STK32B: variants seen among roughly 807,000 people sequenced by gnomAD.
STK32B encodes the protein serine/threonine-protein kinase 32B.
A neutral mutation model predicts 52.6 loss-of-function variants in STK32B; 43 were observed. The observed-to-expected ratio is 0.82, with a 90% confidence interval of 0.64 to 1.05. The LOEUF (loss-of-function observed/expected upper bound fraction) is 1.05. Among genes scored for constraint, STK32B ranks in the 50% least tolerant of loss-of-function variants. The pLI is 0.00. For synonymous variants in STK32B, 238 were observed against 204.3 expected (o/e 1.17, Z -1.41); for missense variants, 621 against 534.6 (o/e 1.16, Z -1.59).
At chr4:5,134,562 T>C (rs1285905278) in intron 1 of STK32B, among the ~76,000 whole-genome samples, 2 of 152,236 alleles carry the variant, frequency 1.3e-5, no homozygotes, top group African/African-American at 2.4e-5. Flanking sequence ...CATTCTGTGA[T>C]AGCAACACAA....
intron 6 of STK32B, among the ~76,000 whole-genome samples, chr4:5,427,278 C>A (rs1440611633): frequency 6.6e-6 from 1 of 152,244 alleles, no homozygotes; most frequent in East Asian, 1.9e-4. Flanking sequence ...TACATATAAT[C>A]CTTGAATCAA....
At position 5,469,954 on chromosome 4, in the gene STK32B, G is replaced by T. The variant is rs1294649202; in HGVS notation, c.1106+1884G>T. 1.3e-5 allele frequency among the ~76,000 whole-genome samples: 2 copies of T among 152,182 alleles called. No individual in the cohort carries two copies. Among genetic ancestry groups the T allele is most frequent in the Non-Finnish European group, 2.9e-5 (2 of 68,034 alleles). On this transcript the variant is annotated intron_variant, in intron 11 of 11. Coordinates refer to ENST00000282908, the MANE Select transcript of STK32B (RefSeq NM_018401.3). This position sits in a 1 kb window ranked among gnomAD's most constrained non-coding sequence, Gnocchi z 4.7. ...AAGAGCATCAGTGATCTTGGGCTCA[G>T]GCAGCCTTCATTCTCTGTGTGTGGG...
chr4:5,362,274 A>C (rs1734593958), intron 4 of STK32B, among the ~76,000 whole-genome samples: 1 of 152,206 alleles, frequency 6.6e-6, no homozygotes, highest in Non-Finnish European at 1.5e-5. Context: ...CCAGACATTG[A>C]ATGAATAAAT....
chr4:5,070,768 G>GA (rs1353519031), intron 1 of STK32B, among the ~76,000 whole-genome samples: 1 of 152,110 alleles, frequency 6.6e-6, no homozygotes, highest in Non-Finnish European at 1.5e-5. Context: ...AAGTTATTCT[G>GA]GTTGGAACAG....
chr4:5,473,658 C>G (rs1718013945), intron 11 of STK32B, among the ~76,000 whole-genome samples: 1 of 152,186 alleles, frequency 6.6e-6, no homozygotes, highest in African/African-American at 2.4e-5. Context: ...TAGACACCTT[C>G]TGTTGGCGAA....
intron 3 of STK32B, among the ~76,000 whole-genome samples, chr4:5,300,118 T>A (rs919567162): frequency 1.1e-4 from 16 of 152,186 alleles, no homozygotes; most frequent in African/African-American, 3.1e-4. Flanking sequence ...ATTCATGGGA[T>A]GCATGGATGA....
intron 3 of STK32B, among the ~76,000 whole-genome samples, chr4:5,259,229 C>T (rs1726543895): frequency 6.6e-6 from 1 of 152,212 alleles, no homozygotes; most frequent in Non-Finnish European, 1.5e-5. Context: ...TTTTTATTTA[C>T]TGGCTACCTC....
chr4:5,255,533 C>G (rs1726238723), intron 3 of STK32B, among the ~76,000 whole-genome samples: 1 of 152,094 alleles, frequency 6.6e-6, no homozygotes, highest in Non-Finnish European at 1.5e-5. Flanking sequence ...CCACCCAAAT[C>G]AAGATACGGA....
At chr4:5,296,417 A>T (rs1476631400) in intron 3 of STK32B, among the ~76,000 whole-genome samples, 1 of 152,182 alleles carries the variant, frequency 6.6e-6, no homozygotes, top group African/African-American at 2.4e-5. Flanking sequence ...ATAGGTCTCT[A>T]AGAACTTGCT....
At chr4:5,369,454 G>A (rs115836119) in intron 4 of STK32B, among the ~76,000 whole-genome samples, 285 of 152,174 alleles carry the variant, frequency 1.9e-3, no homozygotes, top group African/African-American at 6.6e-3. Context: ...GCAGAGGGCA[G>A]GCAGCAGGCT....
intron 4 of STK32B, among the ~76,000 whole-genome samples, chr4:5,387,195 G>A (rs1736312984): frequency 1.3e-5 from 2 of 152,318 alleles, no homozygotes; most frequent in Admixed American, 6.5e-5. Flanking sequence ...AGGACCTGAC[G>A]CTGATTGGCC....
At chr4:5,260,223 A>C (rs147110628) in intron 3 of STK32B, among the ~76,000 whole-genome samples, 1 of 152,184 alleles carries the variant, frequency 6.6e-6, no homozygotes, top group African/African-American at 2.4e-5. Flanking sequence ...AGTTTTCCCA[A>C]CATTGCAAAT....
intron 3 of STK32B, among the ~76,000 whole-genome samples, chr4:5,250,354 C>T (rs1349647184): frequency 1.3e-5 from 2 of 148,264 alleles, no homozygotes; most frequent in Non-Finnish European, 1.5e-5. Flanking sequence ...GCTCTGTCAC[C>T]CAGGCTGGAG....
chr4:5,147,448 C>T (rs927479899), intron 2 of STK32B, among the ~76,000 whole-genome samples: 1 of 152,004 alleles, frequency 6.6e-6, no homozygotes, highest in African/African-American at 2.4e-5. Flanking sequence ...TAGCTAAAAC[C>T]CTCGGTACAA....
At chr4:5,019,565 G>A in the STK32B span, 31 of 1,133,964 alleles carry the variant, frequency 2.7e-5, no homozygotes, top group Non-Finnish European at 3.6e-5. Flanking sequence ...CATCCAGGGT[G>A]GCAGAGAGGA....
chr4:5,316,115 T>C (rs1199053619), intron 3 of STK32B, among the ~76,000 whole-genome samples: 1 of 111,916 alleles, frequency 8.9e-6, no homozygotes, highest in Non-Finnish European at 1.6e-5. Flanking sequence ...TGTATAAATA[T>C]ATATATATAT....
chr4:5,484,728 A>G (rs1188190385), intron 11 of STK32B, among the ~76,000 whole-genome samples: 2 of 152,052 alleles, frequency 1.3e-5, no homozygotes, highest in African/African-American at 2.4e-5. Flanking sequence ...GGCTGGTACC[A>G]GTTGTTCCTT....
chr4:5,334,440 T>A lies in STK32B; in HGVS notation c.434+3047T>A, dbSNP rs576857289. ...ATCTGCAAACAGGGACAATTTGACA[T>A]CCTCTTTTCCTAATTGAATACCCTT... is the stretch of plus-strand genomic sequence containing the variant. On this transcript the variant is annotated intron_variant, in intron 4 of 11. Coordinates refer to ENST00000282908, the MANE Select transcript of STK32B (RefSeq NM_018401.3). Among the ~76,000 whole-genome samples, 57 of 152,270 alleles carry A rather than the reference T, an allele frequency of 3.7e-4. No homozygotes were observed. The East Asian group carries it at 6.2e-3, about 17-fold the overall frequency.
chr4:5,240,490 C>T (rs1269534006), intron 3 of STK32B, among the ~76,000 whole-genome samples: 1 of 152,238 alleles, frequency 6.6e-6, no homozygotes, highest in South Asian at 2.1e-4. Context: ...GATGGAGTCT[C>T]ACTCTGTCAC....
Sources: allele counts gnomAD v4.1 joint callset (sites outside exome capture counted in the v4.1 genomes callset), GRCh38; gene constraint gnomAD v4.1.1; non-coding constraint Gnocchi (gnomAD v3.1); transcripts MANE v1.5; gene names NCBI Gene and HGNC (gene_info 2026-07-23, HGNC 2026-07-21).